Variants in WWOX observed in about 807,000 individuals in gnomAD.
The protein encoded by WWOX is WW domain-containing oxidoreductase.
WWOX carries 69 observed loss-of-function variants against 46.2 expected under a neutral mutation model. That is an observed-to-expected ratio of 1.49 (90% CI 1.23 to 1.82). The LOEUF (loss-of-function observed/expected upper bound fraction) is 1.82. Ranked by LOEUF, WWOX falls within the 40% of genes most tolerant of loss-of-function variation. The pLI is 0.00. For missense variants in WWOX, 919 were observed against 542.6 expected (o/e 1.69, Z -6.89); for synonymous variants, 359 against 202.6 (o/e 1.77, Z -6.56).
chr16:78,966,611 A>C (rs1423514168), intron 8 of WWOX, among the ~76,000 whole-genome samples: 1 of 152,148 alleles, frequency 6.6e-6, no homozygotes, highest in Non-Finnish European at 1.5e-5. Context: ...AATGTTTTGA[A>C]TCAATAAATA....
intron 8 of WWOX, among the ~76,000 whole-genome samples, chr16:79,049,498 G>A (rs1465909347): frequency 6.6e-6 from 1 of 152,134 alleles, no homozygotes; most frequent in Non-Finnish European, 1.5e-5. Context: ...AGAATGATCA[G>A]GAAGGCCAAG....
At chr16:79,066,212 T>C (rs1281448601) in intron 8 of WWOX, among the ~76,000 whole-genome samples, 2 of 152,156 alleles carry the variant, frequency 1.3e-5, no homozygotes. Context: ...ACGTGGGACG[T>C]TCCTTCCAGA....
At chr16:78,146,464 G>A (rs551620979) in intron 4 of WWOX, among the ~76,000 whole-genome samples, 43 of 152,304 alleles carry the variant, frequency 2.8e-4, no homozygotes, top group African/African-American at 9.4e-4. Context: ...CAGAAGTCAT[G>A]TAAAATCAGC....
chr16:78,940,488 A>G (rs1401231388), intron 8 of WWOX, among the ~76,000 whole-genome samples: 1 of 152,192 alleles, frequency 6.6e-6, no homozygotes, highest in African/African-American at 2.4e-5. Flanking sequence ...ATCCGGTGTT[A>G]GGAGTTCTTT....
chr16:78,204,172 C>A (rs528915251), intron 5 of WWOX, among the ~76,000 whole-genome samples: 13 of 152,202 alleles, frequency 8.5e-5, no homozygotes, highest in Admixed American at 2.0e-4. Context: ...TTGGAGAGAA[C>A]AAGAATGTGA....
intron 8 of WWOX, among the ~76,000 whole-genome samples, chr16:78,579,265 A>C (rs1402329583): frequency 6.6e-6 from 1 of 152,094 alleles, no homozygotes. Flanking sequence ...CGTCAAGGAG[A>C]TAAGTACTTA....
chr16:78,134,221 A>G (rs1434300808), intron 4 of WWOX, among the ~76,000 whole-genome samples: 3 of 152,240 alleles, frequency 2.0e-5, no homozygotes, highest in Admixed American at 6.5e-5. Flanking sequence ...CATGTGATAG[A>G]AAGCTATCTG....
intron 8 of WWOX, among the ~76,000 whole-genome samples, chr16:78,435,355 C>T (rs1402214483): frequency 6.6e-6 from 1 of 152,214 alleles, no homozygotes; most frequent in Non-Finnish European, 1.5e-5. Flanking sequence ...ACTGCAGTCT[C>T]TCCTATTTCC....
intron 8 of WWOX, among the ~76,000 whole-genome samples, chr16:78,883,030 A>C (rs1016411363): frequency 1.3e-5 from 2 of 152,136 alleles, no homozygotes; most frequent in African/African-American, 2.4e-5. Flanking sequence ...ACTAAATTGA[A>C]GGCTTGAGGA....
intron 8 of WWOX, among the ~76,000 whole-genome samples, chr16:78,938,052 T>C (rs1460259644): frequency 6.6e-6 from 1 of 152,176 alleles, no homozygotes; most frequent in Admixed American, 6.5e-5. Context: ...TAGGTCACTT[T>C]CCCAAGTCTG....
chr16:78,476,524 G>T (rs1222329208), intron 8 of WWOX, among the ~76,000 whole-genome samples: 1 of 151,964 alleles, frequency 6.6e-6, no homozygotes, highest in Non-Finnish European at 1.5e-5. Context: ...GTTAATGGGT[G>T]CAGCACACCA....
chr16:78,953,659 A>T (rs1365173883), intron 8 of WWOX, among the ~76,000 whole-genome samples: 2 of 152,048 alleles, frequency 1.3e-5, no homozygotes, highest in Non-Finnish European at 2.9e-5. Context: ...ATTGAGGTCC[A>T]CCTCTGTGCC....
chr16:78,514,939 AG>A (rs2085453683), intron 8 of WWOX, among the ~76,000 whole-genome samples: 1 of 152,138 alleles, frequency 6.6e-6, no homozygotes, highest in Non-Finnish European at 1.5e-5. Flanking sequence ...TGAGAATCAC[AG>A]GCGTTTTTGA....
At position 78,578,282 on chromosome 16, in the gene WWOX, A is replaced by ATTTTTTTT. The variant is rs1227489730; in HGVS notation, c.1056+145531_1056+145532insTTTTTTTT. ...TATATATATATATATATATATATAT[A>ATTTTTTTT]TATTTTTTTTTTTTTTTTTTTTTTT... On this transcript the variant is annotated intron_variant, in intron 8 of 8. Coordinates refer to ENST00000566780, the MANE Select transcript of WWOX (RefSeq NM_016373.4). 2.2e-3 allele frequency among the ~76,000 whole-genome samples: 76 copies of ATTTTTTTT among 34,192 alleles called. 2 individuals are homozygous for ATTTTTTTT. The highest frequency in any genetic ancestry group is 9.1e-3 in the African/African-American group (65 of 7,110). The allele number at this position is 34,192 out of a possible 152,430, so 22.4% of individuals were successfully genotyped here.
chr16:78,602,270 A>G (rs2045639323), intron 8 of WWOX, among the ~76,000 whole-genome samples: 1 of 152,064 alleles, frequency 6.6e-6, no homozygotes, highest in South Asian at 2.1e-4. Flanking sequence ...TCTCGATCTG[A>G]CAGCCAGACT....
At chr16:78,475,181 C>T (rs1410828496) in intron 8 of WWOX, among the ~76,000 whole-genome samples, 1 of 152,168 alleles carries the variant, frequency 6.6e-6, no homozygotes, top group Non-Finnish European at 1.5e-5. Flanking sequence ...TAGGATATGT[C>T]TAGAGTTCTG....
At chr16:78,644,631 T>C (rs1457187215) in intron 8 of WWOX, among the ~76,000 whole-genome samples, 1 of 152,082 alleles carries the variant, frequency 6.6e-6, no homozygotes, top group Non-Finnish European at 1.5e-5. Context: ...CTGGCTAATT[T>C]TTTGTACTTT....
intron 5 of WWOX, among the ~76,000 whole-genome samples, chr16:78,302,133 G>C (rs542663712): frequency 2.6e-5 from 4 of 151,830 alleles, no homozygotes; most frequent in African/African-American, 4.8e-5. Flanking sequence ...GCTAACTTTT[G>C]TATTTTTAGT....
intron 5 of WWOX, among the ~76,000 whole-genome samples, chr16:78,175,611 T>C (rs1482393382): frequency 6.6e-6 from 1 of 152,172 alleles, no homozygotes. Flanking sequence ...CAGCCATGTA[T>C]ATGATCCCCC....
Sources: gnomAD v4.1 joint callset for allele counts (sites outside exome capture counted in the v4.1 genomes callset) on GRCh38, gnomAD v4.1.1 for gene constraint, MANE v1.5 for transcripts, NCBI Gene and HGNC (gene_info 2026-07-23, HGNC 2026-07-21) for gene names.